The following GRIP1 variants were observed in gnomAD, a reference collection of about 807,000 sequenced individuals.
GRIP1 encodes glutamate receptor interacting protein 1, also known as glutamate receptor-interacting protein 1.
GRIP1 carries 45 observed loss-of-function variants against 129.9 expected under a neutral mutation model. The observed-to-expected ratio is 0.35, with a 90% CI of 0.27 to 0.44. The LOEUF (loss-of-function observed/expected upper bound fraction) is 0.44, where lower values mean the gene tolerates loss of function less well. Ranked by LOEUF, GRIP1 falls within the 20% of genes least tolerant of loss-of-function variation. GRIP1 has a pLI of 1.00. For missense variants in GRIP1, 1,196 were observed against 1,396.8 expected, an observed-to-expected ratio of 0.86 and a Z score of 2.29; for synonymous variants, 530 against 520.8, an observed-to-expected ratio of 1.02 and a Z score of -0.24.
intron 1 of GRIP1, among the ~76,000 whole-genome samples, chr12:66,616,854 C>T (rs1490932687): frequency 1.3e-5 from 2 of 151,992 alleles, no homozygotes; most frequent in Non-Finnish European, 2.9e-5. Context: ...TGGCTTAGCC[C>T]AGAACAAGGA....
intron 1 of GRIP1, among the ~76,000 whole-genome samples, chr12:66,707,420 G>A (rs1364723680): frequency 6.8e-6 from 1 of 146,242 alleles, no homozygotes; most frequent in Non-Finnish European, 1.5e-5. Context: ...TCTAATGTAC[G>A]ATTTAAAATT....
intron 1 of GRIP1, among the ~76,000 whole-genome samples, chr12:66,762,332 C>G (rs1387029824): frequency 6.6e-6 from 1 of 152,196 alleles, no homozygotes; most frequent in Admixed American, 6.5e-5. Flanking sequence ...TCAACAGTTT[C>G]ATTTGCCCCT....
intron 14 of GRIP1, among the ~76,000 whole-genome samples, chr12:66,427,633 C>T (rs1316500166): frequency 6.6e-6 from 1 of 151,980 alleles, no homozygotes; most frequent in Non-Finnish European, 1.5e-5. Flanking sequence ...AAACCTGGAC[C>T]CACACCAGAT....
At chr12:66,357,859 C>G (rs1281652603) in intron 23 of GRIP1, among the ~76,000 whole-genome samples, 1 of 152,140 alleles carries the variant, frequency 6.6e-6, no homozygotes, top group Non-Finnish European at 1.5e-5. Context: ...GGGATGGGAT[C>G]AATATGAACC....
chr12:66,416,899 A>T (rs1469804952), intron 15 of GRIP1, among the ~76,000 whole-genome samples: 4 of 152,008 alleles, frequency 2.6e-5, no homozygotes, highest in African/African-American at 9.7e-5. Flanking sequence ...TTCCAAACTC[A>T]TTCTATGAGG....
chr12:66,721,734 G>T (rs180792678), intron 1 of GRIP1, among the ~76,000 whole-genome samples: 1 of 152,302 alleles, frequency 6.6e-6, no homozygotes, highest in African/African-American at 2.4e-5. Flanking sequence ...ATATAAGGCT[G>T]CTTAATCTAC....
intron 2 of GRIP1, among the ~76,000 whole-genome samples, chr12:66,561,437 T>A (rs767337340): frequency 4.6e-5 from 7 of 152,116 alleles, no homozygotes; most frequent in Non-Finnish European, 8.8e-5. Context: ...ACATCTCATG[T>A]ACCCCATAAA....
chr12:66,574,289 A>C (rs2063065620), intron 2 of GRIP1, among the ~76,000 whole-genome samples: 1 of 152,250 alleles, frequency 6.6e-6, no homozygotes, highest in Non-Finnish European at 1.5e-5. Context: ...CCAGGTAATA[A>C]ACAAATGCGT....
chr12:67,026,686 T>C (rs76498457), intron 1 of GRIP1, among the ~76,000 whole-genome samples: 3,709 of 152,294 alleles, frequency 0.024, 129 homozygotes, highest in East Asian at 0.095. Context: ...TCAAGTGCTG[T>C]TGAAAGCAGA....
intron 1 of GRIP1, among the ~76,000 whole-genome samples, chr12:66,735,642 G>A (rs1274567184): frequency 6.6e-6 from 1 of 152,142 alleles, no homozygotes; most frequent in Non-Finnish European, 1.5e-5. Flanking sequence ...GAGGTGACAA[G>A]AGAGGAGAAA....
intron 19 of GRIP1, among the ~76,000 whole-genome samples, chr12:66,388,169 A>G (rs2056434012): frequency 6.6e-6 from 1 of 152,142 alleles, no homozygotes; most frequent in Admixed American, 6.5e-5. Flanking sequence ...ATAAACTGTT[A>G]CTAATCGAAT....
At chr12:66,662,164 C>A (rs1030498120) in intron 1 of GRIP1, among the ~76,000 whole-genome samples, 1 of 152,112 alleles carries the variant, frequency 6.6e-6, no homozygotes, top group African/African-American at 2.4e-5. Context: ...TTGAGAAAGA[C>A]CGAGATTTAC....
intron 2 of GRIP1, among the ~76,000 whole-genome samples, chr12:66,559,165 G>A (rs73125060): frequency 0.15 from 22,091 of 151,024 alleles, 1,726 homozygotes; most frequent in Non-Finnish European, 0.16. Context: ...CAAAAAACAG[G>A]GTATAGCAGG....
At position 66,778,094 on chromosome 12, in the gene GRIP1, A is replaced by G. The variant is rs570169224; in HGVS notation, c.-420+25959T>C. On this transcript the variant is annotated intron_variant, in intron 1 of 4. Coordinates refer to the GRIP1 transcript ENST00000538373. ...TATGTGGATTGCATGGTAAAATTATACTATTTGCAATATACTGGTATAATA... is the reference window on the plus strand; with the variant it reads ...TATGTGGATTGCATGGTAAAATTATGCTATTTGCAATATACTGGTATAATA... Among the ~76,000 whole-genome samples, 47 of 152,332 alleles carry G rather than the reference A, an allele frequency of 3.1e-4. 1 individual carries two copies. The highest frequency in any genetic ancestry group is 1.1e-3 in the African/African-American group (46 of 41,574).
intron 1 of GRIP1, among the ~76,000 whole-genome samples, chr12:66,933,578 T>C (rs1007534700): frequency 6.6e-6 from 1 of 152,180 alleles, no homozygotes; most frequent in Non-Finnish European, 1.5e-5. Flanking sequence ...GGCTACTATA[T>C]ACCAGGCATT....
chr12:66,370,960 A>G (rs761863680), intron 23 of GRIP1, among the ~76,000 whole-genome samples: 8 of 152,056 alleles, frequency 5.3e-5, no homozygotes, highest in Non-Finnish European at 1.0e-4. Flanking sequence ...GAACAACATA[A>G]TCATCTACTG....
rs11380847 is a variant in GRIP1, at chr12:66,421,663, CT to C, written c.1769-875del. On this transcript the variant is annotated intron_variant, in intron 14 of 24. Transcript: ENST00000359742. ...TACTTAGAAAGCTCTTGGAATGTGA[CT>C]TTTTTTTTTTTTTAGTAAATATTTT... is the stretch of plus-strand genomic sequence containing the variant. 1.3e-3 allele frequency among the ~76,000 whole-genome samples: 187 copies of C among 142,574 alleles called. 2 individuals are homozygous for C. The highest frequency in any genetic ancestry group is 4.2e-3 in the African/African-American group (166 of 39,124). 93.5% of individuals were successfully genotyped at this position (142,574 alleles called of 152,430 possible). A position where few individuals can be genotyped will look rare whatever the true frequency, so the allele number is the denominator to read the frequency against.
At chr12:66,434,783 G>C (rs2058251779) in intron 13 of GRIP1, among the ~76,000 whole-genome samples, 1 of 152,252 alleles carries the variant, frequency 6.6e-6, no homozygotes. Context: ...TGGGGGCAGA[G>C]AGGGCCTTTG....
At chr12:66,963,697 C>T (rs144383427) in intron 1 of GRIP1, among the ~76,000 whole-genome samples, 1 of 152,080 alleles carries the variant, frequency 6.6e-6, no homozygotes, top group Admixed American at 6.5e-5. Flanking sequence ...TCATCTTCTG[C>T]GTCTACACCT....
Sources: allele counts gnomAD v4.1 joint callset (sites outside exome capture counted in the v4.1 genomes callset), GRCh38; gene constraint gnomAD v4.1.1; transcripts MANE v1.5; gene names NCBI Gene and HGNC (gene_info 2026-07-23, HGNC 2026-07-21).